The following CNTN1 variants were observed in gnomAD, a reference collection of about 807,000 sequenced individuals.
The protein encoded by CNTN1 is contactin-1.
A neutral mutation model predicts 126.4 loss-of-function variants in CNTN1; 38 were observed. The observed-to-expected ratio is 0.30, with a 90% CI of 0.23 to 0.39. The LOEUF (loss-of-function observed/expected upper bound fraction) is 0.39, where lower values mean the gene tolerates loss of function less well. Among genes scored for constraint, CNTN1 ranks in the 10% least tolerant of loss-of-function variants. The pLI, the probability that CNTN1 is intolerant of heterozygous loss-of-function variation, is 1.00. For synonymous variants in CNTN1, 413 were observed against 422.6 expected (o/e 0.98, Z 0.28); for missense variants, 1,009 against 1,248.4 (o/e 0.81, Z 2.89).
intron 23 of CNTN1, among the ~76,000 whole-genome samples, chr12:41,041,393 C>G (rs1592447594): frequency 6.6e-6 from 1 of 152,156 alleles, no homozygotes; most frequent in Non-Finnish European, 1.5e-5. Context: ...GGTTGTGTCT[C>G]TGCCCGGCTT....
intron 17 of CNTN1, among the ~76,000 whole-genome samples, chr12:41,013,637 T>G (rs1948717912): frequency 6.6e-6 from 1 of 152,174 alleles, no homozygotes; most frequent in Non-Finnish European, 1.5e-5. Flanking sequence ...AGAAAGATTT[T>G]TAAGATCAGA....
intron 4 of CNTN1, among the ~76,000 whole-genome samples, chr12:40,920,817 G>T (rs1945414340): frequency 6.6e-6 from 1 of 152,168 alleles, no homozygotes; most frequent in African/African-American, 2.4e-5. Flanking sequence ...AAAAGGGATT[G>T]TAGCAATAGT....
chr12:40,944,787 T>C (rs1339448632), intron 14 of CNTN1, among the ~76,000 whole-genome samples: 2 of 152,048 alleles, frequency 1.3e-5, no homozygotes, highest in Non-Finnish European at 2.9e-5. Flanking sequence ...TGTAAGAACA[T>C]TGTTGGTGTC....
In CNTN1 at chr12:40,870,691, T is replaced by C. The variant is rs12308403; in HGVS notation, c.-76-37666T>C. ...AGGAATGACAGAGGTTTATGAGATA[T>C]TGTTGCTGATCTAAAGAAATTTTTA... On this transcript the variant is annotated intron_variant, in intron 1 of 23. Transcript: ENST00000551295. Among the ~76,000 whole-genome samples the C allele has an allele frequency of 1.6e-3, 240 of 152,042 alleles. 1 individual carries two copies. The highest frequency in any genetic ancestry group is 4.3e-3 in the African/African-American group (178 of 41,488).
intron 1 of CNTN1, among the ~76,000 whole-genome samples, chr12:40,840,851 T>C (rs1942249862): frequency 6.6e-6 from 1 of 150,942 alleles, no homozygotes; most frequent in Non-Finnish European, 1.5e-5. Flanking sequence ...TTTATAGCAA[T>C]AAATGCCAAC....
chr12:41,034,998 T>C (rs991424540), intron 23 of CNTN1, among the ~76,000 whole-genome samples: 1 of 152,198 alleles, frequency 6.6e-6, no homozygotes, highest in Admixed American at 6.5e-5. Context: ...TTAATTGTCC[T>C]TCAGAAGCTT....
intron 15 of CNTN1, chr12:40,971,694 C>G: frequency 7.2e-7 from 1 of 1,392,666 alleles, no homozygotes; most frequent in Non-Finnish European, 9.2e-7. Flanking sequence ...TAAAATATAA[C>G]TATAATGCTT....
intron 1 of CNTN1, among the ~76,000 whole-genome samples, chr12:40,843,986 C>CT (rs1224274521): frequency 6.6e-6 from 1 of 150,878 alleles, no homozygotes; most frequent in East Asian, 1.9e-4. Context: ...TTGGATGAGA[C>CT]TTTTGCAGGA....
At chr12:40,981,734 T>G (rs1351232577) in intron 16 of CNTN1, among the ~76,000 whole-genome samples, 1 of 152,096 alleles carries the variant, frequency 6.6e-6, no homozygotes, top group Non-Finnish European at 1.5e-5. Flanking sequence ...ATATATTTTC[T>G]CCTGTAAAAT....
chr12:41,001,164 G>T lies in CNTN1; in HGVS notation c.2113+7895G>T, dbSNP rs144686415. On this transcript the variant is annotated intron_variant, in intron 17 of 23. Coordinates refer to ENST00000551295, the MANE Select transcript of CNTN1 (RefSeq NM_001843.4). ...ATATACTCAGTAATTGGATTGCTAG[G>T]TCGAATAGTATTTATGTTTTCAGGT... is the stretch of plus-strand genomic sequence containing the variant. 5.9e-3 allele frequency among the ~76,000 whole-genome samples: 899 copies of T among 152,248 alleles called. 6 individuals carry two copies. Among genetic ancestry groups the T allele is most frequent in the Middle Eastern group, 0.037 (11 of 294 alleles).
chr12:41,026,269 A>G (rs1949036221), intron 21 of CNTN1, among the ~76,000 whole-genome samples: 1 of 152,206 alleles, frequency 6.6e-6, no homozygotes, highest in Non-Finnish European at 1.5e-5. Flanking sequence ...AAGGGATCAA[A>G]CCAGTCCAAG....
At chr12:40,879,384 A>G (rs1181282547) in intron 1 of CNTN1, among the ~76,000 whole-genome samples, 2 of 152,154 alleles carry the variant, frequency 1.3e-5, no homozygotes, top group Admixed American at 1.3e-4. Context: ...AGCTTACTCA[A>G]ATATTCTAAG....
chr12:40,811,633 G>GT (rs1941067627), intron 1 of CNTN1, among the ~76,000 whole-genome samples: 2 of 151,798 alleles, frequency 1.3e-5, no homozygotes, highest in African/African-American at 4.8e-5. Flanking sequence ...ATCTTGATAG[G>GT]TTGTATGCTT....
intron 1 of CNTN1, among the ~76,000 whole-genome samples, chr12:40,813,058 T>TCTTTCTTCCTTC (rs71078274): frequency 5.9e-4 from 62 of 104,782 alleles, no homozygotes; most frequent in African/African-American, 2.1e-3. Context: ...TTTCTTTCTT[T>TCTTTCTTCCTTC]CTTCCTTCCT....
chr12:40,977,778 TTTG>T (rs1947718914), intron 15 of CNTN1, among the ~76,000 whole-genome samples: 5 of 27,322 alleles, frequency 1.8e-4, no homozygotes, highest in Admixed American at 1.4e-3. Flanking sequence ...TTTGTTTTGT[TTTG>T]TTTTGTTTTG....
intron 1 of CNTN1, among the ~76,000 whole-genome samples, chr12:40,860,428 C>A (rs1280740386): frequency 6.6e-6 from 1 of 152,064 alleles, no homozygotes; most frequent in South Asian, 2.1e-4. Context: ...TTAGTGCAGA[C>A]CCCACAGGTT....
intron 16 of CNTN1, 142 bp from the exon 17 acceptor site, chr12:40,992,978 T>A: frequency 1.4e-6 from 1 of 706,560 alleles, no homozygotes; most frequent in Non-Finnish European, 2.4e-6. Context: ...GAATTTAACA[T>A]TTTGTCATTC....
At chr12:40,941,874 A>G (rs929382584) in intron 12 of CNTN1, among the ~76,000 whole-genome samples, 1 of 152,150 alleles carries the variant, frequency 6.6e-6, no homozygotes, top group Non-Finnish European at 1.5e-5. Flanking sequence ...TACTTTAAGA[A>G]TAAAGAGAAT....
At chr12:40,844,882 A>G (rs1379585588) in intron 1 of CNTN1, among the ~76,000 whole-genome samples, 1 of 152,192 alleles carries the variant, frequency 6.6e-6, no homozygotes, top group Non-Finnish European at 1.5e-5. Flanking sequence ...GAGGGAAAAT[A>G]TTTTTTAATG....
Sources: allele counts gnomAD v4.1 joint callset (sites outside exome capture counted in the v4.1 genomes callset), GRCh38; gene constraint gnomAD v4.1.1; transcripts MANE v1.5; gene names NCBI Gene and HGNC (gene_info 2026-07-23, HGNC 2026-07-21).